PMFBP1: variants seen among roughly 807,000 people sequenced by gnomAD.
The protein encoded by PMFBP1 is polyamine modulated factor 1 binding protein 1.
In PMFBP1, 131 loss-of-function variants were observed where a neutral mutation model predicts 137.8. That is an observed-to-expected ratio of 0.95 (90% CI 0.82 to 1.10). The LOEUF (loss-of-function observed/expected upper bound fraction) is 1.10. Among genes scored for constraint, PMFBP1 ranks in the 50% least tolerant of loss-of-function variants. The pLI is 0.00. For missense variants in PMFBP1, 1,199 were observed against 1,175.4 expected, an observed-to-expected ratio of 1.02 and a Z score of -0.29; for synonymous variants, 490 against 450.4, an observed-to-expected ratio of 1.09 and a Z score of -1.11.
the PMFBP1 span, among the ~76,000 whole-genome samples, chr16:72,247,057 C>T: frequency 1.3e-5 from 2 of 152,166 alleles, no homozygotes; most frequent in Non-Finnish European, 2.9e-5. Flanking sequence ...TCCCCATTTA[C>T]CTGTCCGATG....
the PMFBP1 span, among the ~76,000 whole-genome samples, chr16:72,192,610 G>A: frequency 3.3e-4 from 50 of 152,148 alleles, no homozygotes; most frequent in Admixed American, 2.2e-3. Flanking sequence ...CTGCAGGGCC[G>A]GGTGTGGTGG....
At chr16:72,249,195 C>T in the PMFBP1 span, among the ~76,000 whole-genome samples, 11 of 151,938 alleles carry the variant, frequency 7.2e-5, no homozygotes, top group Admixed American at 2.0e-4. Flanking sequence ...AAGTAGGTGC[C>T]TCCATTTCAG....
the PMFBP1 span, among the ~76,000 whole-genome samples, chr16:72,220,477 G>A: frequency 1.1e-4 from 16 of 152,196 alleles, no homozygotes; most frequent in Admixed American, 1.0e-3. Flanking sequence ...ATGTCTAGAA[G>A]GAAACATACC....
chr16:72,129,909 C>A (rs973758705), intron 12 of PMFBP1, among the ~76,000 whole-genome samples: 5 of 152,040 alleles, frequency 3.3e-5, no homozygotes, highest in Non-Finnish European at 7.4e-5. Context: ...TGCAGTGGTG[C>A]GATCACAGCT....
At chr16:72,241,247 G>A in the PMFBP1 span, among the ~76,000 whole-genome samples, 1 of 152,080 alleles carries the variant, frequency 6.6e-6, no homozygotes, top group Non-Finnish European at 1.5e-5. Flanking sequence ...GCAGGACAAA[G>A]CTTTGAAGCT....
the PMFBP1 span, among the ~76,000 whole-genome samples, chr16:72,188,114 A>G: frequency 6.6e-6 from 1 of 152,252 alleles, no homozygotes; most frequent in South Asian, 2.1e-4. Flanking sequence ...TGTTTAATAT[A>G]ACAATGGGTT....
At chr16:72,162,182 AG>A (rs2043071997) in intron 3 of PMFBP1, among the ~76,000 whole-genome samples, 1 of 152,146 alleles carries the variant, frequency 6.6e-6, no homozygotes, top group African/African-American at 2.4e-5. Context: ...GACTACAGTG[AG>A]GGAAGTGAGG....
the PMFBP1 span, among the ~76,000 whole-genome samples, chr16:72,183,654 G>A: frequency 1.3e-5 from 2 of 152,024 alleles, no homozygotes; most frequent in East Asian, 3.9e-4. Context: ...AGGTTCAGGG[G>A]GTCAGGACTT....
At chr16:72,212,848 T>C in the PMFBP1 span, among the ~76,000 whole-genome samples, 1 of 152,194 alleles carries the variant, frequency 6.6e-6, no homozygotes, top group Non-Finnish European at 1.5e-5. Flanking sequence ...AACAGGTCAC[T>C]TACAGTCGAA....
At chr16:72,238,934 G>A in the PMFBP1 span, among the ~76,000 whole-genome samples, 1 of 151,978 alleles carries the variant, frequency 6.6e-6, no homozygotes, top group African/African-American at 2.4e-5. Flanking sequence ...GCATAGGACA[G>A]CCCCTCCTCT....
At chr16:72,236,605 C>T in the PMFBP1 span, among the ~76,000 whole-genome samples, 3 of 152,096 alleles carry the variant, frequency 2.0e-5, no homozygotes, top group Non-Finnish European at 4.4e-5. Flanking sequence ...TGGCAGTACC[C>T]ACTAAATGTT....
chr16:72,136,423 C>T (rs1481146468), intron 9 of PMFBP1, 25 bp downstream of exon 9: 5 of 1,607,600 alleles, frequency 3.1e-6, no homozygotes, highest in East Asian at 2.2e-5. Flanking sequence ...CCATTGGGAA[C>T]CCCAACCAGA....
intron 3 of PMFBP1, among the ~76,000 whole-genome samples, chr16:72,164,172 TA>T (rs1339643866): frequency 6.6e-6 from 1 of 152,112 alleles, no homozygotes; most frequent in Non-Finnish European, 1.5e-5. Flanking sequence ...TACCTCTGAT[TA>T]GGGAGAAAGG....
At chr16:72,197,772 T>G in the PMFBP1 span, among the ~76,000 whole-genome samples, 1 of 152,194 alleles carries the variant, frequency 6.6e-6, no homozygotes, top group Non-Finnish European at 1.5e-5. Context: ...AGCGAGAAGC[T>G]GAAATTGCAG....
the PMFBP1 span, among the ~76,000 whole-genome samples, chr16:72,249,008 A>G: frequency 6.6e-6 from 1 of 152,186 alleles, no homozygotes; most frequent in African/African-American, 2.4e-5. Context: ...AGAGCTGTAT[A>G]TAATAAAAGT....
rs1374704213 is a variant in PMFBP1 at position 72,123,758 on chromosome 16, T to C, written c.2590-109A>G. On this transcript the variant is annotated intron_variant, in intron 17 of 20. Coordinates refer to ENST00000237353, the MANE Select transcript of PMFBP1 (RefSeq NM_031293.3). ...TCCCTGGGAAAAGAAAACTTGACTCTGCTGTCCAACCCGAGGCCAGAGTTG... is the reference window on the plus strand; with the variant it reads ...TCCCTGGGAAAAGAAAACTTGACTCCGCTGTCCAACCCGAGGCCAGAGTTG... 2.8e-5 allele frequency: 28 copies of C among 988,426 alleles called. No homozygotes were observed. In the Admixed American group the frequency reaches 6.9e-4, roughly 24 times the overall value. 61.2% of individuals were successfully genotyped at this position (988,426 alleles called of 1,614,324 possible). A position where few individuals can be genotyped will look rare whatever the true frequency, so the allele number is the denominator to read the frequency against.
chr16:72,135,800 G>A (rs1283600719), intron 9 of PMFBP1, among the ~76,000 whole-genome samples: 6 of 130,518 alleles, frequency 4.6e-5, no homozygotes, highest in Non-Finnish European at 7.7e-5. Context: ...AGGCTGGAGT[G>A]CATGGCATGA....
At position 72,170,278 on chromosome 16, in the gene PMFBP1, G is replaced by C. The variant is rs138239904; in HGVS notation, c.12+919C>G. On this transcript the variant is annotated intron_variant, in intron 2 of 20. Transcript: ENST00000237353. ...AGTTCTGTATGGCTCCAGTAATGCA[G>C]CAGGAAAGGAGTGGACTGCCTGTTT... Among the ~76,000 whole-genome samples the C allele has an allele frequency of 2.0e-5, 3 of 151,606 alleles. No individual in the cohort carries two copies. The East Asian group carries it at 5.8e-4, about 29-fold the overall frequency.
At chr16:72,239,595 C>T in the PMFBP1 span, among the ~76,000 whole-genome samples, 1 of 151,982 alleles carries the variant, frequency 6.6e-6, no homozygotes, top group East Asian at 1.9e-4. Context: ...TCTAGTGCCT[C>T]CAAGAATGTT....
Sources: allele counts gnomAD v4.1 joint callset (sites outside exome capture counted in the v4.1 genomes callset), GRCh38; gene constraint gnomAD v4.1.1; transcripts MANE v1.5; gene names NCBI Gene and HGNC (gene_info 2026-07-23, HGNC 2026-07-21).